SZT2: variants seen among roughly 807,000 people sequenced by gnomAD.
SZT2 encodes the protein SZT2 subunit of KICSTOR complex.
In SZT2, 216 loss-of-function variants were observed where a neutral mutation model predicts 404.2. The ratio of observed to expected loss-of-function variants is 0.53; its 90% CI spans 0.48 to 0.60. The LOEUF (loss-of-function observed/expected upper bound fraction) is 0.60, where lower values mean the gene tolerates loss of function less well. Ranked by LOEUF, SZT2 falls within the 20% of genes least tolerant of loss-of-function variation. SZT2 has a pLI of 0.00. For synonymous variants in SZT2, 1,693 were observed against 1,749.9 expected (o/e 0.97, Z 0.81); for missense variants, 3,857 against 4,459.2 (o/e 0.86, Z 3.85).
In SZT2 at chr1:43,430,080, T is replaced by A. The variant is rs761872542; in HGVS notation, c.4378T>A (p.Cys1460Ser). 2 of 1,614,136 alleles carry A rather than the reference T, an allele frequency of 1.2e-6. No individual in the cohort carries two copies. The highest frequency in any genetic ancestry group is 1.7e-6 in the Non-Finnish European group (2 of 1,180,028). ...VPSNPHYFFYCPPSSRREDEG... is the reference protein window; with the variant it reads ...VPSNPHYFFYSPPSSRREDEG... ...TTCCAATCCCCACTACTTCTTCTATTGCCCTCCATCCAGCAGGCGAGAAGT... is the reference window on the plus strand; with the variant it reads ...TTCCAATCCCCACTACTTCTTCTATAGCCCTCCATCCAGCAGGCGAGAAGT... The change falls in exon 30 of 72, where the codon TGC becomes AGC. Residue 1460 changes from cysteine (C) to serine (S), a missense_variant. This residue lies in a region of SZT2 where 1,725 missense variants were observed against 1,881.0 expected (regional missense o/e 0.92). Coordinates refer to ENST00000634258, the MANE Select transcript of SZT2 (RefSeq NM_001365999.1).
At chr1:43,400,113 A>AT (rs35084430) in intron 1 of SZT2, among the ~76,000 whole-genome samples, 10 of 146,580 alleles carry the variant, frequency 6.8e-5, no homozygotes, top group Non-Finnish European at 7.5e-5. Context: ...TAATTTTTGT[A>AT]TTTTTTTTTT....
In SZT2 at chr1:43,426,759, C is replaced by T. The variant is rs1468715597; in HGVS notation, c.3259C>T (p.Gln1087Ter). 6.2e-6 allele frequency: 10 copies of T among 1,613,712 alleles called. No homozygotes were observed. The highest frequency in any genetic ancestry group is 8.5e-6 in the Non-Finnish European group (10 of 1,179,854). Residue 1087 changes from glutamine to a stop codon, truncating the protein, a stop_gained, in exon 23 of 72, where the codon CAA becomes TAA. Transcript: ENST00000634258. LOFTEE classifies it high-confidence loss of function. The surrounding 1 kb of genome is among the most constrained non-coding windows in gnomAD (Gnocchi z 4.9). ...GGGGGTTCATGGGATCCCGAAGGAG[C>T]AAGCAGTCGGCAGCACCCAGGCCAC... Reference protein sequence around the residue: ...LLGVHGIPKEQAVGSTQATGD... With the variant: ...LLGVHGIPKE
intron 1 of SZT2, among the ~76,000 whole-genome samples, chr1:43,391,884 A>AAAAC (rs1648388695): frequency 4.6e-5 from 1 of 21,940 alleles, no homozygotes; most frequent in African/African-American, 2.0e-4. Context: ...GATCGAGACC[A>AAAAC]TCCTGGCTAA....
rs1223912162 is a variant in SZT2, at chr1:43,437,069, G to A, written c.6035-102G>A. The A allele has an allele frequency of 2.8e-6, 4 of 1,450,926 alleles. No individual in the cohort carries two copies. In the African/African-American group the frequency reaches 4.2e-5, roughly 15 times the overall value. The allele number at this position is 1,450,926 out of a possible 1,614,324, so 89.9% of individuals were successfully genotyped here. A position where few individuals can be genotyped will look rare whatever the true frequency, so the allele number is the denominator to read the frequency against. ...ATTTCTCTGCAATAGTCAGGGATGAGTCTGGAGGAGTGAGGACAAGTAGGC... is the reference window on the plus strand; with the variant it reads ...ATTTCTCTGCAATAGTCAGGGATGAATCTGGAGGAGTGAGGACAAGTAGGC... On this transcript the variant is annotated intron_variant, in intron 42 of 71. Coordinates refer to ENST00000634258, the MANE Select transcript of SZT2 (RefSeq NM_001365999.1). This position sits in a 1 kb window ranked among gnomAD's most constrained non-coding sequence, Gnocchi z 5.3.
Position 43,428,018 on chromosome 1 carries a change from C to T in SZT2, c.3819C>T (p.Asp1273=), listed in dbSNP as rs776256896. Residue 1273 remains aspartate (D), a synonymous_variant, in exon 27 of 72, where the codon GAC becomes GAT. Transcript: ENST00000634258. The part of the protein sequence containing the change: ...RDLIFRTQFL[D]HPSPSSAWME... ...CGTTTCCTAGGACTCAGTTCCTCGACCACCCCTCCCCATCCTCAGCCTGGA... is the reference window on the plus strand; with the variant it reads ...CGTTTCCTAGGACTCAGTTCCTCGATCACCCCTCCCCATCCTCAGCCTGGA... 6.2e-7 allele frequency: 1 copy of T among 1,613,928 alleles called. No homozygotes were observed. The highest frequency in any genetic ancestry group is 8.5e-7 in the Non-Finnish European group (1 of 1,179,944).
rs780074055 is a variant in SZT2 at position 43,427,158 on chromosome 1, T to C, written c.3412T>C (p.Phe1138Leu). The change falls in exon 24 of 72, where the codon TTT (phenylalanine) becomes CTT (leucine). Residue 1138 changes from phenylalanine (F) to leucine (L), a missense_variant. Phe to Leu is a conservative substitution (Grantham distance 22). Coordinates refer to ENST00000634258, the MANE Select transcript of SZT2 (RefSeq NM_001365999.1). ...LVNPQHVFLT[F>L]LPATFSDVQR... ...GAACCCCCAGCATGTGTTTCTGACT[T>C]TTCTCCCAGCTACCTTCTCAGGTGC... is the stretch of plus-strand genomic sequence containing the variant. The C allele has an allele frequency of 5.0e-6, 8 of 1,614,148 alleles. No individual in the cohort carries two copies. The highest frequency in any genetic ancestry group is 6.8e-6 in the Non-Finnish European group (8 of 1,180,024).
rs1480246834 is a variant in SZT2, at chr1:43,426,616, T to TG, written c.3214+78_3214+79insG. 1 of 1,515,078 alleles carries TG rather than the reference T, an allele frequency of 6.6e-7. No homozygotes were observed. Among genetic ancestry groups the TG allele is most frequent in the African/African-American group, 1.4e-5 (1 of 72,490 alleles). 93.9% of individuals were successfully genotyped at this position (1,515,078 alleles called of 1,614,324 possible). A position where few individuals can be genotyped will look rare whatever the true frequency, so the allele number is the denominator to read the frequency against. Reference sequence around the variant, plus strand: ...CACCCTCACAGGGTGATTTCTGTCTTTGAGTTTTGGCTTTCCCCTTCCTCC... The same window carrying TG: ...CACCCTCACAGGGTGATTTCTGTCTTGTGAGTTTTGGCTTTCCCCTTCCTCC... On this transcript the variant is annotated intron_variant, in intron 22 of 71. Coordinates refer to ENST00000634258, the MANE Select transcript of SZT2 (RefSeq NM_001365999.1). This position sits in a 1 kb window ranked among gnomAD's most constrained non-coding sequence, Gnocchi z 4.9.
rs189612508 is a variant in SZT2, at chr1:43,391,645, A to G, written c.27+1650A>G. Among the ~76,000 whole-genome samples the G allele has an allele frequency of 3.4e-3, 514 of 152,344 alleles. 5 individuals carry two copies. The highest frequency in any genetic ancestry group is 4.4e-3 in the Non-Finnish European group (300 of 68,030). On this transcript the variant is annotated intron_variant, in intron 1 of 71. Transcript: ENST00000634258. Reference sequence around the variant, plus strand: ...GAAACAGTTTAGAGGATGTTTCATTATAGATTAAAGTGAAAGGAGGTGGAG... The same window carrying G: ...GAAACAGTTTAGAGGATGTTTCATTGTAGATTAAAGTGAAAGGAGGTGGAG...
rs1298907041 is a variant in SZT2 at position 43,453,533 on chromosome 1, C to T, written c.*3053C>T. On this transcript the variant is annotated 3_prime_UTR_variant, in exon 72 of 72. Transcript: ENST00000634258. ...AACGGGCCTCAGCCCCCGGCTCGGA[C>T]ACTCCCCTGCCCGCGCCCCGGCACC... 2.0e-6 allele frequency: 3 copies of T among 1,529,514 alleles called. No homozygotes were observed. Among genetic ancestry groups the T allele is most frequent in the Admixed American group, 2.0e-5 (1 of 49,770 alleles). The allele number at this position is 1,529,514 out of a possible 1,614,324, so 94.7% of individuals were successfully genotyped here.
In SZT2 at chr1:43,453,684, ACCTCGACGG is replaced by A. The variant is rs1425347186; in HGVS notation, c.*3211_*3219del. ...AGGCGTCTCCGCGTACGGCCAGGCC[ACCTCGACGG>A]CCTCGAAGCCCGAGCTGCCCGCGGC... On this transcript the variant is annotated 3_prime_UTR_variant, in exon 72 of 72. Transcript: ENST00000634258. 6.2e-6 allele frequency: 9 copies of A among 1,457,768 alleles called. No individual in the cohort carries two copies. The highest frequency in any genetic ancestry group is 5.4e-6 in the Non-Finnish European group (6 of 1,114,552). 90.3% of individuals were successfully genotyped at this position (1,457,768 alleles called of 1,614,324 possible).
Position 43,426,058 on chromosome 1 carries a change from A to G in SZT2, c.2950A>G (p.Thr984Ala), listed in dbSNP as rs1057524780. Residue 984 changes from threonine (T) to alanine (A), a missense_variant, in exon 21 of 72, where the codon ACC becomes GCC. Thr to Ala is a moderately conservative substitution (Grantham distance 58). Around this residue, in one of 7 missense-constraint regions of SZT2, gnomAD observed 1,725 missense variants for 1,881.0 expected, o/e 0.92. Transcript: ENST00000634258. The surrounding 1 kb of genome is among the most constrained non-coding windows in gnomAD (Gnocchi z 4.9). Reference protein sequence around the residue: ...VSDGLDQGGDTCVHEIPFHFD... With the variant: ...VSDGLDQGGDACVHEIPFHFD... ...CGTAGGATTGGATCAGGGAGGAGAC[A>G]CCTGCGTCCATGAGATCCCTTTCCA... The G allele has an allele frequency of 1.5e-5, 24 of 1,613,960 alleles. No individual in the cohort carries two copies. The highest frequency in any genetic ancestry group is 1.6e-4 in the Middle Eastern group (1 of 6,084).
At position 43,452,270 on chromosome 1, in the gene SZT2, C is replaced by G. The variant is rs1327850051; in HGVS notation, c.*1790C>G. ...AAAACGGCCTCCATCTCAGCCTTGA[C>G]TGCTATTCGATCAGCTCCCTGGGGT... On this transcript the variant is annotated 3_prime_UTR_variant, in exon 72 of 72. Coordinates refer to ENST00000634258, the MANE Select transcript of SZT2 (RefSeq NM_001365999.1). 1 of 1,614,008 alleles carries G rather than the reference C, an allele frequency of 6.2e-7. No individual in the cohort carries two copies. Among genetic ancestry groups the G allele is most frequent in the Non-Finnish European group, 8.5e-7 (1 of 1,180,008 alleles).
chr1:43,420,618 C>A lies in SZT2; in HGVS notation c.1262-131C>A. 1 of 973,596 alleles carries A rather than the reference C, an allele frequency of 1.0e-6. No individual in the cohort carries two copies. Among genetic ancestry groups the A allele is most frequent in the Non-Finnish European group, 1.5e-6 (1 of 671,300 alleles). 60.3% of individuals were successfully genotyped at this position (973,596 alleles called of 1,614,324 possible). A position where few individuals can be genotyped will look rare whatever the true frequency, so the allele number is the denominator to read the frequency against. On this transcript the variant is annotated intron_variant, in intron 9 of 71. Transcript: ENST00000634258. The surrounding 1 kb of genome is among the most constrained non-coding windows in gnomAD (Gnocchi z 5.1). ...CAGTGGGCCAACTCTGGGCCTGAAA[C>A]CTGTGGAACCATGCTTGGAACCTTT...
At chr1:43,432,916 C>T in intron 39 of SZT2, 73 bp from the exon 40 acceptor site, 1 of 1,584,834 alleles carries the variant, frequency 6.3e-7, no homozygotes, top group Non-Finnish European at 8.7e-7. Context: ...TGCATCAAGC[C>T]AGATGCACCT....
At position 43,450,218 on chromosome 1, in the gene SZT2, C is replaced by G; in HGVS notation, c.10155+47C>G. 1 of 1,613,794 alleles carries G rather than the reference C, an allele frequency of 6.2e-7. No homozygotes were observed. The highest frequency in any genetic ancestry group is 1.1e-5 in the South Asian group (1 of 91,060). On this transcript the variant is annotated intron_variant, in intron 71 of 71. Transcript: ENST00000634258. The surrounding 1 kb of genome is among the most constrained non-coding windows in gnomAD (Gnocchi z 4.3). ...TGTGTCAGCCTCATGGGAGGCCGTA[C>G]CCCAAATGCTCCACCTCGGAGCCTG... is the stretch of plus-strand genomic sequence containing the variant.
chr1:43,433,716 A>C (rs1654173985), intron 40 of SZT2, among the ~76,000 whole-genome samples: 2 of 152,196 alleles, frequency 1.3e-5, no homozygotes, highest in African/African-American at 2.4e-5. Flanking sequence ...GGAGGTGGAG[A>C]TTGCAGTGAA....
chr1:43,447,539 C>T lies in SZT2; in HGVS notation c.9287-6C>T. The T allele has an allele frequency of 6.2e-7, 1 of 1,613,358 alleles. No individual in the cohort carries two copies. The highest frequency in any genetic ancestry group is 8.5e-7 in the Non-Finnish European group (1 of 1,179,672). The stretch of plus-strand genomic sequence containing the variant: ...TGTCTGCTGTCTCCTGTTACTTATC[C>T]CTCAGGGACATTGGAGCTCCCCACA... On this transcript the variant is annotated splice_polypyrimidine_tract_variant and splice_region_variant and intron_variant, in intron 66 of 71. Coordinates refer to ENST00000634258, the MANE Select transcript of SZT2 (RefSeq NM_001365999.1).
chr1:43,401,386 C>G (rs1237947658), intron 1 of SZT2, among the ~76,000 whole-genome samples: 2 of 152,230 alleles, frequency 1.3e-5, no homozygotes, highest in African/African-American at 4.8e-5. Context: ...TCCACTGTCT[C>G]ACAGCTAATA....
In SZT2 at chr1:43,443,033, C is replaced by T; in HGVS notation, c.8366C>T (p.Pro2789Leu). 1 of 1,613,956 alleles carries T rather than the reference C, an allele frequency of 6.2e-7. No individual in the cohort carries two copies. The highest frequency in any genetic ancestry group is 8.5e-7 in the Non-Finnish European group (1 of 1,179,888). ...GGTCCTGTGCCCAGACCTCCTGATC[C>T]TGTCACCTACCATGGACAACAGTTC... ...VLGPVPRPPD[P>L]VTYHGQQFLE... Residue 2789 changes from proline (P) to leucine (L), a missense_variant, in exon 59 of 72, where the codon CCT becomes CTT. Around this residue, in one of 7 missense-constraint regions of SZT2, gnomAD observed 717 missense variants for 868.2 expected, o/e 0.83. Coordinates refer to ENST00000634258, the MANE Select transcript of SZT2 (RefSeq NM_001365999.1).
Sources: gnomAD v4.1 joint callset for allele counts (sites outside exome capture counted in the v4.1 genomes callset) on GRCh38, gnomAD v4.1.1 for gene constraint, gnomAD v4.1.1 regional missense constraint, Gnocchi (gnomAD v3.1) non-coding constraint, MANE v1.5 for transcripts, NCBI Gene and HGNC (gene_info 2026-07-23, HGNC 2026-07-21) for gene names.